The following SLC25A21 variants were observed in gnomAD, a reference collection of about 807,000 sequenced individuals.
SLC25A21 encodes mitochondrial 2-oxodicarboxylate carrier.
A neutral mutation model predicts 43.8 loss-of-function variants in SLC25A21; 47 were observed. That is an observed-to-expected ratio of 1.07 (90% CI 0.85 to 1.37). The LOEUF (loss-of-function observed/expected upper bound fraction) is 1.37. Ranked by LOEUF, SLC25A21 falls within the 40% of genes most tolerant of loss-of-function variation. The pLI is 0.00. For synonymous variants in SLC25A21, 131 were observed against 121.3 expected (o/e 1.08, Z -0.52); for missense variants, 352 against 350.2 (o/e 1.00, Z -0.04).
At chr14:37,085,362 A>G (rs1962464426) in intron 1 of SLC25A21, among the ~76,000 whole-genome samples, 1 of 152,122 alleles carries the variant, frequency 6.6e-6, no homozygotes, top group East Asian at 1.9e-4. Flanking sequence ...TGTCTTGCTC[A>G]CCCCTGTATC....
chr14:36,995,888 C>A (rs992965384), intron 1 of SLC25A21, among the ~76,000 whole-genome samples: 2 of 152,202 alleles, frequency 1.3e-5, no homozygotes, highest in Admixed American at 6.5e-5. Flanking sequence ...CTGTAGCTAA[C>A]AATTGGTATC....
chr14:37,159,614 T>C (rs913857273), intron 1 of SLC25A21, among the ~76,000 whole-genome samples: 3 of 152,048 alleles, frequency 2.0e-5, no homozygotes, highest in Non-Finnish European at 2.9e-5. Context: ...GACCCAAAAC[T>C]ATAAAAATAC....
chr14:36,703,807 C>G (rs1883381693), intron 7 of SLC25A21, among the ~76,000 whole-genome samples: 1 of 152,042 alleles, frequency 6.6e-6, no homozygotes. Context: ...TCTAAACATC[C>G]CCAACTTGGA....
chr14:37,043,820 G>A (rs1273105676), intron 1 of SLC25A21, among the ~76,000 whole-genome samples: 2 of 151,810 alleles, frequency 1.3e-5, no homozygotes, highest in East Asian at 1.9e-4. Flanking sequence ...CTGCAACATC[G>A]AATTCCTGGA....
chr14:36,924,134 T>C (rs1311027758), intron 1 of SLC25A21, among the ~76,000 whole-genome samples: 1 of 152,110 alleles, frequency 6.6e-6, no homozygotes, highest in Admixed American at 6.5e-5. Context: ...CTCAGGGATC[T>C]AGAACTAGAA....
chr14:37,009,166 T>C (rs1960674231), intron 1 of SLC25A21, among the ~76,000 whole-genome samples: 1 of 152,190 alleles, frequency 6.6e-6, no homozygotes, highest in African/African-American at 2.4e-5. Context: ...ATAGGCTTAA[T>C]GTTTTTCTTT....
chr14:37,087,876 A>T (rs185023849), intron 1 of SLC25A21, among the ~76,000 whole-genome samples: 30 of 152,346 alleles, frequency 2.0e-4, no homozygotes, highest in African/African-American at 7.0e-4. Context: ...CACACCAAAC[A>T]CATCACCATT....
chr14:36,710,419 A>T (rs1883796448), intron 7 of SLC25A21, among the ~76,000 whole-genome samples: 1 of 151,682 alleles, frequency 6.6e-6, no homozygotes, highest in Non-Finnish European at 1.5e-5. Context: ...AACGGGGAAA[A>T]AAAAGAAAGA....
intron 1 of SLC25A21, among the ~76,000 whole-genome samples, chr14:36,941,455 A>G (rs1337065337): frequency 5.3e-5 from 8 of 152,058 alleles, no homozygotes; most frequent in Admixed American, 5.2e-4. Flanking sequence ...ACACCAAATA[A>G]ATTCAAATTA....
At chr14:36,862,734 T>C (rs1489835286) in intron 2 of SLC25A21, among the ~76,000 whole-genome samples, 1 of 152,178 alleles carries the variant, frequency 6.6e-6, no homozygotes, top group Non-Finnish European at 1.5e-5. Flanking sequence ...ATTCTGCACA[T>C]GTATTCCAGA....
intron 1 of SLC25A21, among the ~76,000 whole-genome samples, chr14:36,937,844 T>C (rs1892462048): frequency 6.6e-6 from 1 of 152,130 alleles, no homozygotes; most frequent in South Asian, 2.1e-4. Flanking sequence ...GAAAGAGTTT[T>C]TTTGTGTTTC....
intron 1 of SLC25A21, among the ~76,000 whole-genome samples, chr14:36,921,808 C>T (rs761755758): frequency 2.6e-5 from 4 of 152,152 alleles, no homozygotes; most frequent in Middle Eastern, 3.4e-3. Context: ...ACTTGTTCAC[C>T]ATTCTGAATG....
At chr14:37,157,173 A>T (rs1398157067) in intron 1 of SLC25A21, among the ~76,000 whole-genome samples, 1 of 152,172 alleles carries the variant, frequency 6.6e-6, no homozygotes, top group East Asian at 1.9e-4. Flanking sequence ...CCTGGCCAAC[A>T]TGGGGAAACA....
intron 2 of SLC25A21, among the ~76,000 whole-genome samples, chr14:36,836,581 G>A (rs544463294): frequency 5.3e-5 from 8 of 152,266 alleles, no homozygotes; most frequent in African/African-American, 1.9e-4. Flanking sequence ...GGATGGATGT[G>A]AGTGTTGATC....
chr14:37,011,595 C>T (rs1594751421), intron 1 of SLC25A21, among the ~76,000 whole-genome samples: 1 of 152,124 alleles, frequency 6.6e-6, no homozygotes, highest in South Asian at 2.1e-4. Context: ...ATGGTGTTCT[C>T]TCAAATAAAA....
chr14:36,718,660 T>C (rs1480190380), intron 6 of SLC25A21, among the ~76,000 whole-genome samples: 3 of 152,248 alleles, frequency 2.0e-5, no homozygotes, highest in Non-Finnish European at 4.4e-5. Flanking sequence ...CACGATCTAA[T>C]TGGTCTCTAT....
intron 3 of SLC25A21, among the ~76,000 whole-genome samples, chr14:36,799,390 A>C (rs1887787536): frequency 6.6e-6 from 1 of 152,162 alleles, no homozygotes; most frequent in East Asian, 1.9e-4. Context: ...AGAAAGATGG[A>C]ACATTCTATT....
intron 2 of SLC25A21, among the ~76,000 whole-genome samples, chr14:36,824,385 T>C (rs2138467088): frequency 6.6e-6 from 1 of 152,240 alleles, no homozygotes; most frequent in East Asian, 1.9e-4. Context: ...TTACCAAGAT[T>C]TGGATTGGTT....
chr14:37,130,874 G>C (rs762370683), intron 1 of SLC25A21, among the ~76,000 whole-genome samples: 8 of 152,236 alleles, frequency 5.3e-5, no homozygotes, highest in Non-Finnish European at 7.3e-5. Context: ...GGAACTGCTG[G>C]CTTTGGCCAA....
Sources: allele counts gnomAD v4.1 joint callset (sites outside exome capture counted in the v4.1 genomes callset), GRCh38; gene constraint gnomAD v4.1.1; transcripts MANE v1.5; gene names NCBI Gene and HGNC (gene_info 2026-07-23, HGNC 2026-07-21).